FAM227A: variants seen among roughly 807,000 people sequenced by gnomAD.
The protein encoded by FAM227A is family with sequence similarity 227 member A.
FAM227A carries 80 observed loss-of-function variants against 74.7 expected under a neutral mutation model. The observed-to-expected ratio is 1.07, with a 90% CI of 0.89 to 1.29. FAM227A has a LOEUF of 1.29. Among genes scored for constraint, FAM227A ranks in the 50% most tolerant of loss-of-function variants. The pLI, the probability that FAM227A is intolerant of heterozygous loss-of-function variation, is 0.00. For missense variants in FAM227A, 654 were observed against 683.4 expected, an observed-to-expected ratio of 0.96 and a Z score of 0.48; for synonymous variants, 237 against 241.8, an observed-to-expected ratio of 0.98 and a Z score of 0.19.
chr22:38,633,011 C>T (rs1569227203), intron 6 of FAM227A, among the ~76,000 whole-genome samples: 1 of 152,168 alleles, frequency 6.6e-6, no homozygotes, highest in Non-Finnish European at 1.5e-5. Context: ...TGAGAAGGCA[C>T]TCCCAGATGG....
At chr22:38,607,232 T>A (rs1353892148) in intron 12 of FAM227A, among the ~76,000 whole-genome samples, 157 bp downstream of exon 12, 2 of 148,014 alleles carry the variant, frequency 1.4e-5, no homozygotes, top group Non-Finnish European at 3.0e-5. Flanking sequence ...GACAACTACA[T>A]CCTTTCATAA....
intron 16 of FAM227A, among the ~76,000 whole-genome samples, 154 bp from the exon 17 acceptor site, chr22:38,586,353 C>G (rs16999114): frequency 0.044 from 6,754 of 152,312 alleles, 249 homozygotes; most frequent in East Asian, 0.11. Flanking sequence ...AGTGGTCGAG[C>G]AGGACAGCTG....
chr22:38,592,020 C>T (rs2090948784), intron 15 of FAM227A, among the ~76,000 whole-genome samples: 1 of 151,242 alleles, frequency 6.6e-6, no homozygotes. Context: ...ATGATCTTGG[C>T]TCACTGCAAC....
intron 11 of FAM227A, among the ~76,000 whole-genome samples, chr22:38,609,458 C>G (rs910135869): frequency 6.6e-6 from 1 of 152,176 alleles, no homozygotes; most frequent in Non-Finnish European, 1.5e-5. Context: ...ACGCTGGATT[C>G]GTCTGGGCGA....
intron 9 of FAM227A, among the ~76,000 whole-genome samples, chr22:38,625,935 T>A (rs1310389879): frequency 3.0e-5 from 4 of 135,392 alleles, no homozygotes; most frequent in African/African-American, 1.2e-4. Flanking sequence ...CGAGCGAGAC[T>A]CTATCTCCAA....
chr22:38,628,324 T>C lies in FAM227A; in HGVS notation c.640A>G (p.Asn214Asp). ...ERYQPNKELQ[N>D]NLFDRIAQHY... ...TGGGCTATCCGGTCAAACAGATTAT[T>C]CTGGAGCTCCTTGTTTGGCTGCCAG... The change falls in exon 8 of 17, where the codon AAT (asparagine) becomes GAT (aspartate). Residue 214 changes from asparagine to aspartate, a missense_variant. Coordinates refer to ENST00000535113, the MANE Select transcript of FAM227A (RefSeq NM_001013647.2). The C allele has an allele frequency of 1.3e-6, 2 of 1,551,310 alleles. No individual in the cohort carries two copies. Among genetic ancestry groups the C allele is most frequent in the South Asian group, 2.4e-5 (2 of 84,032 alleles).
intron 6 of FAM227A, among the ~76,000 whole-genome samples, chr22:38,635,062 G>A (rs2145640770): frequency 6.6e-6 from 1 of 151,976 alleles, no homozygotes; most frequent in Admixed American, 6.6e-5. Context: ...CTGGCCAACA[G>A]TGAAACCCCC....
intron 3 of FAM227A, among the ~76,000 whole-genome samples, chr22:38,643,484 T>C (rs1014890709): frequency 6.6e-6 from 1 of 152,028 alleles, no homozygotes; most frequent in Admixed American, 6.6e-5. Context: ...ATGACCAAAA[T>C]CTAGAACACT....
intron 10 of FAM227A, among the ~76,000 whole-genome samples, chr22:38,622,628 C>T (rs776530993): frequency 4.6e-5 from 7 of 152,072 alleles, no homozygotes; most frequent in Non-Finnish European, 1.0e-4. Flanking sequence ...GTAATCCCAG[C>T]ACTTTGGGAG....
Position 38,613,231 on chromosome 22 carries a change from T to TATATATA in FAM227A, c.1039-5762_1039-5756dup, listed in dbSNP as rs1178337793. On this transcript the variant is annotated intron_variant, in intron 11 of 16. Coordinates refer to ENST00000535113, the MANE Select transcript of FAM227A (RefSeq NM_001013647.2). ...ATATATCTATGCTGTATATATATTA[T>TATATATA]ATATATAATATATAATATATAACAT... 7.2e-5 allele frequency among the ~76,000 whole-genome samples: 4 copies of TATATATA among 55,238 alleles called. No homozygotes were observed. The Admixed American group carries it at 1.2e-3, about 16-fold the overall frequency. The allele number at this position is 55,238 out of a possible 152,430, so 36.2% of individuals were successfully genotyped here. A position where few individuals can be genotyped will look rare whatever the true frequency, so the allele number is the denominator to read the frequency against.
At chr22:38,627,852 C>T (rs1014021972) in intron 8 of FAM227A, among the ~76,000 whole-genome samples, 1 of 152,154 alleles carries the variant, frequency 6.6e-6, no homozygotes, top group Non-Finnish European at 1.5e-5. Context: ...GATCCGCCCG[C>T]CTTGGCCTCC....
intron 5 of FAM227A, 23 bp downstream of exon 5, chr22:38,638,723 A>G: frequency 1.3e-6 from 2 of 1,516,452 alleles, no homozygotes; most frequent in Non-Finnish European, 1.8e-6. Context: ...GGTCAGAAAC[A>G]GACACAGCAG....
Position 38,638,729 on chromosome 22 carries a change from A to G in FAM227A, c.372+17T>C, listed in dbSNP as rs1409747881. 1.3e-6 allele frequency: 2 copies of G among 1,529,726 alleles called. No individual in the cohort carries two copies. The highest frequency in any genetic ancestry group is 1.8e-6 in the Non-Finnish European group (2 of 1,127,204). 94.8% of individuals were successfully genotyped at this position (1,529,726 alleles called of 1,614,324 possible). On this transcript the variant is annotated intron_variant, in intron 5 of 16. Transcript: ENST00000535113. ...GCAGAAGCCGGTCAGAAACAGACAC[A>G]GCAGTAGATCCCTTACCCTTTTTAT...
chr22:38,628,205 T>C (rs1253008226), intron 8 of FAM227A, 33 bp downstream of exon 8: 1 of 1,271,606 alleles, frequency 7.9e-7, no homozygotes, highest in Admixed American at 2.1e-5. Flanking sequence ...AAATCTAATG[T>C]GACTTTTTTT....
At chr22:38,613,229 TA>T (rs1461700660) in intron 11 of FAM227A, among the ~76,000 whole-genome samples, 1 of 56,718 alleles carries the variant, frequency 1.8e-5, no homozygotes, top group Non-Finnish European at 3.1e-5. Context: ...GTATATATAT[TA>T]TATATATAAT....
At chr22:38,590,958 T>C (rs1331846441) in intron 16 of FAM227A, among the ~76,000 whole-genome samples, 1 of 152,118 alleles carries the variant, frequency 6.6e-6, no homozygotes, top group East Asian at 1.9e-4. Flanking sequence ...CTAATTTTTG[T>C]ATTTTTAGTA....
In FAM227A at chr22:38,602,014, TA is replaced by T. The variant is rs200968031; in HGVS notation, c.1222-2094del. 7.2e-5 allele frequency among the ~76,000 whole-genome samples: 11 copies of T among 151,784 alleles called. No individual in the cohort carries two copies. In the South Asian group the frequency reaches 1.5e-3, roughly 20 times the overall value. ...AAAATGACAATACTGCTTTTGTGTT[TA>T]AAAAAAAATACATTTTATTTTGAAG... On this transcript the variant is annotated intron_variant, in intron 13 of 16. Coordinates refer to ENST00000535113, the MANE Select transcript of FAM227A (RefSeq NM_001013647.2).
At chr22:38,615,586 G>A (rs1389389299) in intron 11 of FAM227A, among the ~76,000 whole-genome samples, 2 of 152,210 alleles carry the variant, frequency 1.3e-5, no homozygotes, top group African/African-American at 2.4e-5. Context: ...GACCTGGCAC[G>A]TCCAAGAGGC....
Position 38,620,203 on chromosome 22 carries a change from C to G in FAM227A, c.1038+9G>C, listed in dbSNP as rs113593912. On this transcript the variant is annotated intron_variant, in intron 11 of 16. Coordinates refer to ENST00000535113, the MANE Select transcript of FAM227A (RefSeq NM_001013647.2). ...CCAAAGGGGTCCTGGTCCGTGCCTCCCCACTTACCTGAGGGTGGTAGAATT... is the reference window on the plus strand; with the variant it reads ...CCAAAGGGGTCCTGGTCCGTGCCTCGCCACTTACCTGAGGGTGGTAGAATT... 1.1e-3 allele frequency: 1,688 copies of G among 1,548,328 alleles called. 13 individuals carry two copies. In the African/African-American group the frequency reaches 0.021, roughly 19 times the overall value.
Sources: gnomAD v4.1 joint callset for allele counts (sites outside exome capture counted in the v4.1 genomes callset) on GRCh38, gnomAD v4.1.1 for gene constraint, MANE v1.5 for transcripts, NCBI Gene and HGNC (gene_info 2026-07-23, HGNC 2026-07-21) for gene names.